Variants in PRICKLE2 observed in about 807,000 individuals in gnomAD.
PRICKLE2 encodes prickle-like protein 2.
PRICKLE2 carries 21 observed loss-of-function variants against 81.4 expected under a neutral mutation model. The observed-to-expected ratio is 0.26, with a 90% CI of 0.18 to 0.37. PRICKLE2 has a LOEUF of 0.37. Ranked by LOEUF, PRICKLE2 falls within the 10% of genes least tolerant of loss-of-function variation. The pLI, the probability that PRICKLE2 is intolerant of heterozygous loss-of-function variation, is 1.00. For synonymous variants in PRICKLE2, 456 were observed against 421.5 expected (o/e 1.08, Z -1.00); for missense variants, 940 against 1,109.0 (o/e 0.85, Z 2.16).
intron 1 of PRICKLE2, among the ~76,000 whole-genome samples, chr3:64,220,893 C>T (rs1332413215): frequency 6.6e-6 from 1 of 152,282 alleles, no homozygotes; most frequent in East Asian, 1.9e-4. Context: ...AAGGCAGGCT[C>T]ATATTGTACT....
chr3:64,199,358 A>T, intron 1 of PRICKLE2: 1 of 241,110 alleles, frequency 4.1e-6, no homozygotes, highest in Non-Finnish European at 8.1e-6. Flanking sequence ...ACATATGTTG[A>T]CCTGAAGTGT....
intron 7 of PRICKLE2, among the ~76,000 whole-genome samples, chr3:64,135,808 T>C (rs1359035176): frequency 6.6e-6 from 1 of 152,150 alleles, no homozygotes; most frequent in Non-Finnish European, 1.5e-5. Flanking sequence ...TGAAACTTAT[T>C]GGTGGAAACT....
intron 1 of PRICKLE2, among the ~76,000 whole-genome samples, chr3:64,218,945 T>C (rs932474122): frequency 3.9e-5 from 6 of 152,090 alleles, no homozygotes; most frequent in African/African-American, 1.4e-4. Flanking sequence ...CTTGCATACA[T>C]AACAAAGCCC....
intron 1 of PRICKLE2, among the ~76,000 whole-genome samples, chr3:64,210,160 G>A (rs1261553697): frequency 6.6e-6 from 1 of 152,110 alleles, no homozygotes; most frequent in African/African-American, 2.4e-5. Context: ...AGTGGGTGTA[G>A]GAAACTTCGC....
intron 7 of PRICKLE2, chr3:64,103,183 C>T (rs1314389147): frequency 6.6e-6 from 1 of 152,110 alleles, no homozygotes; most frequent in Non-Finnish European, 1.5e-5. Flanking sequence ...TTGGAAACAT[C>T]TGGACACATT....
chr3:64,183,703 A>G (rs1393438561), intron 2 of PRICKLE2, among the ~76,000 whole-genome samples: 5 of 152,218 alleles, frequency 3.3e-5, no homozygotes, highest in Admixed American at 3.3e-4. Context: ...TGCCATGTTT[A>G]TTTTTACTTT....
intron 2 of PRICKLE2, among the ~76,000 whole-genome samples, chr3:64,187,928 G>A (rs2078265353): frequency 6.6e-6 from 1 of 152,218 alleles, no homozygotes; most frequent in Non-Finnish European, 1.5e-5. Flanking sequence ...AGGTTAACAG[G>A]CCAGAAAGGG....
At chr3:64,216,930 G>A (rs2078881307) in intron 1 of PRICKLE2, among the ~76,000 whole-genome samples, 1 of 152,200 alleles carries the variant, frequency 6.6e-6, no homozygotes, top group Non-Finnish European at 1.5e-5. Context: ...AGTCTTGACA[G>A]GCTTTCCTGG....
At chr3:64,212,152 G>A (rs896746107) in intron 1 of PRICKLE2, among the ~76,000 whole-genome samples, 2 of 152,164 alleles carry the variant, frequency 1.3e-5, no homozygotes, top group Admixed American at 6.5e-5. Context: ...CCACATCACT[G>A]TATCCCTGTG....
intron 3 of PRICKLE2, among the ~76,000 whole-genome samples, chr3:64,162,339 G>GC (rs2077748566): frequency 6.6e-6 from 1 of 152,038 alleles, no homozygotes; most frequent in Non-Finnish European, 1.5e-5. Flanking sequence ...TTCCCTTCCA[G>GC]CATAATGATC....
intron 3 of PRICKLE2, among the ~76,000 whole-genome samples, chr3:64,162,001 G>A (rs1390400605): frequency 6.6e-6 from 1 of 152,066 alleles, no homozygotes; most frequent in Non-Finnish European, 1.5e-5. Flanking sequence ...TCTCTTTTTA[G>A]GGAACTGCTT....
At chr3:64,196,686 C>G (rs890646459) in intron 2 of PRICKLE2, among the ~76,000 whole-genome samples, 12 of 152,120 alleles carry the variant, frequency 7.9e-5, no homozygotes, top group Non-Finnish European at 1.2e-4. Flanking sequence ...TGTTTCTATT[C>G]TAAGACATTT....
At chr3:64,198,627 A>G (rs1167862455) in intron 2 of PRICKLE2, 157 bp downstream of exon 2, 4 of 750,838 alleles carry the variant, frequency 5.3e-6, no homozygotes, top group East Asian at 2.6e-5. Flanking sequence ...TCCCTTCCTC[A>G]TTTTCCACTG....
rs2077812557 is a variant in PRICKLE2, at chr3:64,165,349, C to T, written c.145-2220G>A. Reference sequence around the variant, plus strand: ...ACCCCGAGTCAAGGCTCTGTTGTTTCCCATCTCTGGGTTCCTGAGCAAGTT... The same window carrying T: ...ACCCCGAGTCAAGGCTCTGTTGTTTTCCATCTCTGGGTTCCTGAGCAAGTT... On this transcript the variant is annotated intron_variant, in intron 2 of 7. Coordinates refer to ENST00000638394, the MANE Select transcript of PRICKLE2 (RefSeq NM_198859.4). Among the ~76,000 whole-genome samples, 5 of 152,274 alleles carry T rather than the reference C, an allele frequency of 3.3e-5. No individual in the cohort carries two copies. In the South Asian group the frequency reaches 1.0e-3, roughly 32 times the overall value.
chr3:64,152,723 G>A (rs2107025850), intron 6 of PRICKLE2, among the ~76,000 whole-genome samples: 1 of 152,244 alleles, frequency 6.6e-6, no homozygotes, highest in South Asian at 2.1e-4. Context: ...ACTGCCCTGA[G>A]CCTCGGTTGT....
At chr3:64,103,676 G>T (rs928051816) in intron 7 of PRICKLE2, among the ~76,000 whole-genome samples, 2 of 152,134 alleles carry the variant, frequency 1.3e-5, no homozygotes, top group Non-Finnish European at 2.9e-5. Context: ...CAATAAAATG[G>T]AGTAAAAGTA....
At chr3:64,112,856 A>T (rs1433584345) in intron 7 of PRICKLE2, among the ~76,000 whole-genome samples, 2 of 152,232 alleles carry the variant, frequency 1.3e-5, no homozygotes, top group Non-Finnish European at 2.9e-5. Flanking sequence ...AGAAGGCAAG[A>T]TGGCTGACTA....
At chr3:64,159,806 G>T in intron 4 of PRICKLE2, 134 bp downstream of exon 4, 1 of 1,165,710 alleles carries the variant, frequency 8.6e-7, no homozygotes. Flanking sequence ...AGGGCAAGAT[G>T]AAACTTTCCC....
At chr3:64,122,307 C>T (rs893418113) in intron 7 of PRICKLE2, among the ~76,000 whole-genome samples, 1 of 152,120 alleles carries the variant, frequency 6.6e-6, no homozygotes, top group Non-Finnish European at 1.5e-5. Flanking sequence ...TCCCCACTAG[C>T]CCACCCTTTG....
Sources: allele counts gnomAD v4.1 joint callset (sites outside exome capture counted in the v4.1 genomes callset), GRCh38; gene constraint gnomAD v4.1.1; transcripts MANE v1.5; gene names NCBI Gene and HGNC (gene_info 2026-07-23, HGNC 2026-07-21).